DGKB: variants seen among roughly 807,000 people sequenced by gnomAD.
The protein encoded by DGKB is diacylglycerol kinase beta, also known as 90 kDa diacylglycerol kinase.
Under a neutral mutation model 114.3 loss-of-function variants are expected in DGKB, and 67 were observed. The ratio of observed to expected loss-of-function variants is 0.59; its 90% CI spans 0.48 to 0.72. The LOEUF is 0.72. Ranked by LOEUF, DGKB falls within the 30% of genes least tolerant of loss-of-function variation. The pLI is 0.00. For missense variants in DGKB, 907 were observed against 975.2 expected (o/e 0.93, Z 0.93); for synonymous variants, 398 against 323.1 (o/e 1.23, Z -2.49).
At chr7:14,170,104 A>T (rs1310886626) in intron 25 of DGKB, among the ~76,000 whole-genome samples, 1 of 147,864 alleles carries the variant, frequency 6.8e-6, no homozygotes, top group Non-Finnish European at 1.5e-5. Flanking sequence ...ATTGCACTCC[A>T]GCCTGGGCAA....
At chr7:14,892,546 T>C (rs1386158513) in intron 1 of DGKB, among the ~76,000 whole-genome samples, 2 of 151,168 alleles carry the variant, frequency 1.3e-5, no homozygotes, top group African/African-American at 4.8e-5. Context: ...TATGAATAAA[T>C]TTACACATTA....
intron 2 of DGKB, among the ~76,000 whole-genome samples, chr7:14,786,871 G>GAGACTCAGAC (rs1554274659): frequency 2.6e-5 from 4 of 152,090 alleles, no homozygotes; most frequent in African/African-American, 9.7e-5. Flanking sequence ...CTAAAAACCC[G>GAGACTCAGAC]AGACTCAGTC....
At chr7:14,946,291 G>T (rs903848911) in intron 1 of DGKB, among the ~76,000 whole-genome samples, 4 of 151,462 alleles carry the variant, frequency 2.6e-5, no homozygotes, top group African/African-American at 9.7e-5. Context: ...TTTTGACAGA[G>T]TTTTAAGGAA....
intron 13 of DGKB, among the ~76,000 whole-genome samples, chr7:14,644,238 G>A (rs1812458630): frequency 6.6e-6 from 1 of 151,988 alleles, no homozygotes; most frequent in South Asian, 2.1e-4. Context: ...CCCTATGAAA[G>A]CTACTTCAGA....
chr7:14,672,038 T>C (rs892273047), intron 13 of DGKB, among the ~76,000 whole-genome samples: 1 of 152,080 alleles, frequency 6.6e-6, no homozygotes, highest in Non-Finnish European at 1.5e-5. Flanking sequence ...GCATTTTTAA[T>C]AATTTTGTGA....
At chr7:14,269,133 G>T (rs1450648227) in intron 23 of DGKB, 1 of 152,232 alleles carries the variant, frequency 6.6e-6, no homozygotes, top group Non-Finnish European at 1.5e-5. Context: ...TTAGCTCCTT[G>T]CCATGCTGAC....
At chr7:14,627,023 G>C (rs1449245544) in intron 14 of DGKB, among the ~76,000 whole-genome samples, 2 of 151,994 alleles carry the variant, frequency 1.3e-5, no homozygotes, top group Non-Finnish European at 2.9e-5. Context: ...AAAAAAGTAA[G>C]AAAATTTAGA....
intron 21 of DGKB, among the ~76,000 whole-genome samples, chr7:14,369,790 G>A (rs1054517157): frequency 9.9e-5 from 15 of 152,048 alleles, no homozygotes; most frequent in Non-Finnish European, 2.2e-4. Flanking sequence ...TAGTAAATTC[G>A]TTTAAGTTCC....
At chr7:14,363,799 C>A (rs1482075669) in intron 21 of DGKB, among the ~76,000 whole-genome samples, 1 of 152,008 alleles carries the variant, frequency 6.6e-6, no homozygotes, top group Non-Finnish European at 1.5e-5. Flanking sequence ...TCAGCAGAGG[C>A]AGTGCTTAAA....
At chr7:14,209,451 G>A (rs760974069) in intron 23 of DGKB, 15 of 473,394 alleles carry the variant, frequency 3.2e-5, no homozygotes, top group Non-Finnish European at 6.1e-5. Context: ...AACTACACAA[G>A]GCTATTCTCT....
In DGKB at chr7:14,280,068, T is replaced by C. The variant is rs569298115; in HGVS notation, c.2122+58447A>G. ...CAGACGATCAAATTACTCTGAGCTA[T>C]GGGAGGACATTCAAACCAAAGGCAA... On this transcript the variant is annotated intron_variant, in intron 23 of 25. Coordinates refer to ENST00000402815, the MANE Select transcript of DGKB (RefSeq NM_001350709.2). Among the ~76,000 whole-genome samples, 360 of 151,884 alleles carry C rather than the reference T, an allele frequency of 2.4e-3. 15 individuals are homozygous for C. The East Asian group carries it at 0.059, about 25-fold the overall frequency.
chr7:14,669,375 C>A lies in DGKB; in HGVS notation c.1134+3554G>T, dbSNP rs371582952. The stretch of plus-strand genomic sequence containing the variant: ...TATTTTTCCTCCTATACACTCAGGG[C>A]TAGCCACTAATCCCCCCAGTGCCTT... On this transcript the variant is annotated intron_variant, in intron 13 of 25. Coordinates refer to ENST00000402815, the MANE Select transcript of DGKB (RefSeq NM_001350709.2). Among the ~76,000 whole-genome samples, 8 of 152,108 alleles carry A rather than the reference C, an allele frequency of 5.3e-5. No individual in the cohort carries two copies. In the East Asian group the frequency reaches 9.7e-4, roughly 18 times the overall value.
chr7:14,649,529 T>G (rs4355676), intron 13 of DGKB, among the ~76,000 whole-genome samples: 6 of 151,808 alleles, frequency 4.0e-5, no homozygotes, highest in African/African-American at 1.5e-4. Flanking sequence ...CGGTACCAGT[T>G]GCTGCAAAAT....
At chr7:14,578,414 C>G (rs1329402742) in intron 19 of DGKB, among the ~76,000 whole-genome samples, 1 of 152,172 alleles carries the variant, frequency 6.6e-6, no homozygotes, top group Non-Finnish European at 1.5e-5. Context: ...CTACAGCACA[C>G]AATTGTTAAG....
intron 12 of DGKB, among the ~76,000 whole-genome samples, chr7:14,681,005 T>C (rs543183426): frequency 2.0e-5 from 3 of 151,884 alleles, no homozygotes; most frequent in Non-Finnish European, 4.4e-5. Flanking sequence ...TCAGCTTATG[T>C]TAAAGTTAAG....
chr7:14,958,353 T>G (rs914976960), intron 1 of DGKB, among the ~76,000 whole-genome samples: 1 of 151,056 alleles, frequency 6.6e-6, no homozygotes, highest in Non-Finnish European at 1.5e-5. Flanking sequence ...AGGGAGTAGA[T>G]GTCAGACAGT....
intron 20 of DGKB, among the ~76,000 whole-genome samples, chr7:14,523,642 A>T (rs1418033928): frequency 6.6e-6 from 1 of 152,158 alleles, no homozygotes; most frequent in Non-Finnish European, 1.5e-5. Context: ...TCTTGTTTGG[A>T]AATTGTTATA....
chr7:14,841,978 G>A (rs1247837111), intron 1 of DGKB, among the ~76,000 whole-genome samples: 1 of 152,176 alleles, frequency 6.6e-6, no homozygotes, highest in African/African-American at 2.4e-5. Context: ...AAAGACTTGT[G>A]TAATGACAGT....
At chr7:14,733,750 G>GAATAAAGAAAGA (rs1554627742) in intron 5 of DGKB, among the ~76,000 whole-genome samples, 1 of 6,584 alleles carries the variant, frequency 1.5e-4, no homozygotes, top group Non-Finnish European at 1.2e-3. Flanking sequence ...AAGAAATAAA[G>GAATAAAGAAAGA]AAGAAAGAAA....
Sources: gnomAD v4.1 joint callset for allele counts (sites outside exome capture counted in the v4.1 genomes callset) on GRCh38, gnomAD v4.1.1 for gene constraint, MANE v1.5 for transcripts, NCBI Gene and HGNC (gene_info 2026-07-23, HGNC 2026-07-21) for gene names.